BAHCC1: variants seen among roughly 807,000 people sequenced by gnomAD.
BAHCC1 encodes BAH and coiled-coil domain-containing protein 1.
Under a neutral mutation model 88.2 loss-of-function variants are expected in BAHCC1, and 43 were observed. That is an observed-to-expected ratio of 0.49 (90% CI 0.38 to 0.63). The LOEUF (loss-of-function observed/expected upper bound fraction) is 0.63. Ranked by LOEUF, BAHCC1 falls within the 20% of genes least tolerant of loss-of-function variation. The pLI is 0.00. For missense variants in BAHCC1, 3,023 were observed against 1,654.8 expected, an observed-to-expected ratio of 1.83 and a Z score of -14.34; for synonymous variants, 1,510 against 745.5, an observed-to-expected ratio of 2.03 and a Z score of -16.71.
rs782465082 is a variant in BAHCC1, at chr17:81,451,821, G to A, written c.4130G>A (p.Arg1377His). 10 of 756,886 alleles carry A rather than the reference G, an allele frequency of 1.3e-5. No homozygotes were observed. The highest frequency in any genetic ancestry group is 2.2e-5 in the Non-Finnish European group (9 of 413,922). 46.9% of individuals were successfully genotyped at this position (756,886 alleles called of 1,614,324 possible). A position where few individuals can be genotyped will look rare whatever the true frequency, so the allele number is the denominator to read the frequency against. ...TGCAGCGGCCCCAGGCTCACCCCCC[G>A]CATGCAGATCCTGCAGCGCAAGGAC... is the stretch of plus-strand genomic sequence containing the variant. Reference protein sequence around the residue: ...NPCSGPRLTPRMQILQRKDTW... With the variant: ...NPCSGPRLTPHMQILQRKDTW... The change falls in exon 12 of 28, where the codon CGC (arginine) becomes CAC (histidine). Residue 1377 changes from arginine (R) to histidine (H), a missense_variant. Transcript: ENST00000675386.
rs1555655765 is a variant in BAHCC1, at chr17:81,451,663, C to T, written c.3977-5C>T. On this transcript the variant is annotated splice_polypyrimidine_tract_variant and splice_region_variant and intron_variant, in intron 11 of 27. Transcript: ENST00000675386. ...TGCCCATGCTGACCTTCCCATGCCG[C>T]ACAGAGGAGGAAGAGGACGTGCTAG... The T allele has an allele frequency of 2.6e-6, 2 of 774,406 alleles. No homozygotes were observed. Among genetic ancestry groups the T allele is most frequent in the African/African-American group, 3.4e-5 (2 of 59,152 alleles). 48.0% of individuals were successfully genotyped at this position (774,406 alleles called of 1,614,324 possible).
rs2029927979 is a variant in BAHCC1, at chr17:81,458,439, G to C, written c.5316G>C (p.Lys1772Asn). The change falls in exon 18 of 28, where the codon AAG (lysine) becomes AAC (asparagine). Residue 1772 changes from lysine to asparagine, a missense_variant. Transcript: ENST00000675386. The stretch of plus-strand genomic sequence containing the variant: ...AGCGCCTCAAGAGGGCCACGCGCAA[G>C]GGCACAGTGCTGCAGCCAGTGCTGC... The part of the protein sequence containing the change: ...ASERLKRATR[K>N]GTVLQPVLRR... 3 of 735,842 alleles carry C rather than the reference G, an allele frequency of 4.1e-6. No individual in the cohort carries two copies. In the African/African-American group the frequency reaches 5.1e-5, roughly 13 times the overall value. 45.6% of individuals were successfully genotyped at this position (735,842 alleles called of 1,614,324 possible). A position where few individuals can be genotyped will look rare whatever the true frequency, so the allele number is the denominator to read the frequency against.
chr17:81,419,384 C>A (rs1431644451), intron 2 of BAHCC1, among the ~76,000 whole-genome samples: 2 of 152,278 alleles, frequency 1.3e-5, no homozygotes, highest in Non-Finnish European at 2.9e-5. Flanking sequence ...CCTCCCCGCG[C>A]TTTCCCGGAA....
chr17:81,459,598 G>A lies in BAHCC1; in HGVS notation c.5899G>A (p.Val1967Ile). 1.3e-6 allele frequency: 1 copy of A among 779,674 alleles called. No individual in the cohort carries two copies. The highest frequency in any genetic ancestry group is 1.3e-5 in the South Asian group (1 of 74,624). 48.3% of individuals were successfully genotyped at this position (779,674 alleles called of 1,614,324 possible). A position where few individuals can be genotyped will look rare whatever the true frequency, so the allele number is the denominator to read the frequency against. Residue 1967 changes from valine to isoleucine, a missense_variant, in exon 23 of 28, where the codon GTC becomes ATC. By Grantham distance (29) the Val-to-Ile change is conservative. Coordinates refer to ENST00000675386, the MANE Select transcript of BAHCC1 (RefSeq NM_001377448.1). ...TCGATGTCTGTACCCGGGCAACGTG[G>A]TCCGGGGTAAGTTGCACCCAAAGCG... ...KSRCLYPGNVVRGASGDEDED... is the reference protein window; with the variant it reads ...KSRCLYPGNVIRGASGDEDED...
At position 81,438,365 on chromosome 17, in the gene BAHCC1, T is replaced by C. The variant is rs781928879; in HGVS notation, c.359-5T>C. 1.3e-6 allele frequency: 1 copy of C among 778,608 alleles called. No homozygotes were observed. Among genetic ancestry groups the C allele is most frequent in the East Asian group, 2.4e-5 (1 of 41,238 alleles). The allele number at this position is 778,608 out of a possible 1,614,324, so 48.2% of individuals were successfully genotyped here. A position where few individuals can be genotyped will look rare whatever the true frequency, so the allele number is the denominator to read the frequency against. On this transcript the variant is annotated splice_polypyrimidine_tract_variant and splice_region_variant and intron_variant, in intron 3 of 27. Transcript: ENST00000675386. Reference sequence around the variant, plus strand: ...CCTCTGCAACTGGGTCTCTTGCTTCTCTAGCTCCGGGGTACCCCAGATTTT... The same window carrying C: ...CCTCTGCAACTGGGTCTCTTGCTTCCCTAGCTCCGGGGTACCCCAGATTTT...
intron 26 of BAHCC1, 77 bp downstream of exon 26, chr17:81,462,123 T>G: frequency 1.6e-6 from 1 of 643,334 alleles, no homozygotes; most frequent in Non-Finnish European, 2.8e-6. Context: ...CTGCTGCCCT[T>G]CCCTCTCCTT....
At chr17:81,398,814 C>T (rs2063772805) in intron 1 of BAHCC1, among the ~76,000 whole-genome samples, 1 of 150,428 alleles carries the variant, frequency 6.6e-6, no homozygotes, top group African/African-American at 2.5e-5. Context: ...GGTCCTAGCG[C>T]GATGCTGGGG....
intron 19 of BAHCC1, 40 bp from the exon 20 acceptor site, chr17:81,458,773 C>T (rs372347108): frequency 2.0e-4 from 154 of 753,272 alleles, no homozygotes; most frequent in Admixed American, 1.9e-3. Flanking sequence ...ACCTGCACCC[C>T]GCCTGCACCC....
chr17:81,399,246 C>A lies in BAHCC1; in HGVS notation c.-206-288C>A, dbSNP rs1555645475. 4.9e-6 allele frequency: 2 copies of A among 406,606 alleles called. No individual in the cohort carries two copies. The highest frequency in any genetic ancestry group is 9.9e-6 in the Non-Finnish European group (2 of 202,356). The allele number at this position is 406,606 out of a possible 1,614,324, so 25.2% of individuals were successfully genotyped here. A position where few individuals can be genotyped will look rare whatever the true frequency, so the allele number is the denominator to read the frequency against. On this transcript the variant is annotated intron_variant, in intron 1 of 27. Transcript: ENST00000675386. This position sits in a 1 kb window ranked among gnomAD's most constrained non-coding sequence, Gnocchi z 4.5. Reference sequence around the variant, plus strand: ...GCGGCGCCCTAGCTGCAGGGACCCGCGGGGACGAGAACGGGAGGCGGCGAG... The same window carrying A: ...GCGGCGCCCTAGCTGCAGGGACCCGAGGGGACGAGAACGGGAGGCGGCGAG...
intron 2 of BAHCC1, among the ~76,000 whole-genome samples, chr17:81,417,151 G>C (rs782361307): frequency 5.3e-5 from 8 of 152,154 alleles, no homozygotes; most frequent in Non-Finnish European, 7.4e-5. Flanking sequence ...GCTGGGGTGT[G>C]CGTGCGTGTG....
At chr17:81,433,758 G>C (rs868976578) in intron 3 of BAHCC1, among the ~76,000 whole-genome samples, 4 of 152,106 alleles carry the variant, frequency 2.6e-5, no homozygotes, top group African/African-American at 9.7e-5. Flanking sequence ...CGAGGTCCCC[G>C]TGTGCTCAGG....
chr17:81,421,960 G>T (rs538108005), intron 2 of BAHCC1: 1 of 426,000 alleles, frequency 2.3e-6, no homozygotes, highest in Non-Finnish European at 4.7e-6. Context: ...GTCCCAGAAC[G>T]CTCATGCGAG....
In BAHCC1 at chr17:81,399,570, C is replaced by T. The variant is rs1268802948; in HGVS notation, c.-170C>T. 2 of 406,444 alleles carry T rather than the reference C, an allele frequency of 4.9e-6. No individual in the cohort carries two copies. Among genetic ancestry groups the T allele is most frequent in the African/African-American group, 2.2e-5 (1 of 45,470 alleles). The allele number at this position is 406,444 out of a possible 1,614,324, so 25.2% of individuals were successfully genotyped here. The stretch of plus-strand genomic sequence containing the variant: ...GCACAGCGGCCGCTGGCTCGGTGCG[C>T]GGCCGCCCGCCGAGAAGCCCAGTCC... On this transcript the variant is annotated 5_prime_UTR_variant, in exon 2 of 28. Coordinates refer to ENST00000675386, the MANE Select transcript of BAHCC1 (RefSeq NM_001377448.1). The surrounding 1 kb of genome is among the most constrained non-coding windows in gnomAD (Gnocchi z 4.5).
At chr17:81,413,439 C>A (rs2063981152) in intron 2 of BAHCC1, among the ~76,000 whole-genome samples, 1 of 152,208 alleles carries the variant, frequency 6.6e-6, no homozygotes, top group Admixed American at 6.5e-5. Flanking sequence ...TCTTCCTCCC[C>A]CTTCTGTCTT....
In BAHCC1 at chr17:81,460,968, C is replaced by G. The variant is rs782113673; in HGVS notation, c.6305C>G (p.Ala2102Gly). 1 of 772,680 alleles carries G rather than the reference C, an allele frequency of 1.3e-6. No individual in the cohort carries two copies. Among genetic ancestry groups the G allele is most frequent in the African/African-American group, 1.7e-5 (1 of 59,252 alleles). The allele number at this position is 772,680 out of a possible 1,614,324, so 47.9% of individuals were successfully genotyped here. The stretch of plus-strand genomic sequence containing the variant: ...CCCTTGCTGAGCTGGTCCGCGGTGG[C>G]GCAGACCAAGCGGAAGGCGGTGGCA... Reference protein sequence around the residue: ...GSPLLSWSAVAQTKRKAVAAA... With the variant: ...GSPLLSWSAVGQTKRKAVAAA... Residue 2102 changes from alanine (A) to glycine (G), a missense_variant, in exon 26 of 28, where the codon GCG (alanine) becomes GGG (glycine). By Grantham distance (60) the Ala-to-Gly change is moderately conservative (BLOSUM62 0). Transcript: ENST00000675386.
intron 4 of BAHCC1, among the ~76,000 whole-genome samples, chr17:81,440,752 C>T (rs1555652368): frequency 7.9e-5 from 12 of 152,192 alleles, no homozygotes; most frequent in Admixed American, 5.2e-4. Context: ...GGACCCCAGA[C>T]ACTCACCCCC....
intron 5 of BAHCC1, 51 bp downstream of exon 5, chr17:81,443,615 C>T (rs1291833064): frequency 1.6e-6 from 1 of 620,598 alleles, no homozygotes; most frequent in Admixed American, 2.6e-5. Flanking sequence ...CTAGGGGGCC[C>T]AGCTGGCCCT....
chr17:81,456,647 A>C (rs1259939488), intron 16 of BAHCC1, 62 bp downstream of exon 16: 5 of 657,938 alleles, frequency 7.6e-6, no homozygotes, highest in Non-Finnish European at 1.1e-5. Flanking sequence ...CGGGGGCTGG[A>C]GGAGGGGGCG....
chr17:81,461,803 C>T lies in BAHCC1; in HGVS notation c.7140C>T (p.Gly2380=), dbSNP rs782044623. 25 of 716,140 alleles carry T rather than the reference C, an allele frequency of 3.5e-5. No homozygotes were observed. The East Asian group carries it at 3.8e-4, about 11-fold the overall frequency. 44.4% of individuals were successfully genotyped at this position (716,140 alleles called of 1,614,324 possible). A position where few individuals can be genotyped will look rare whatever the true frequency, so the allele number is the denominator to read the frequency against. ...AGCCCGAGGCCCTGCGCTCCAAGGG[C>T]AGCGGCCCTCACGCGCATGCCCAGC... ...LAQPEALRSK[G]SGPHAHAQRC... The change falls in exon 26 of 28, where the codon GGC becomes GGT. Residue 2380 remains glycine (G), a synonymous_variant. Coordinates refer to ENST00000675386, the MANE Select transcript of BAHCC1 (RefSeq NM_001377448.1).
Sources: allele counts gnomAD v4.1 joint callset (sites outside exome capture counted in the v4.1 genomes callset), GRCh38; gene constraint gnomAD v4.1.1; non-coding constraint Gnocchi (gnomAD v3.1); transcripts MANE v1.5; gene names NCBI Gene and HGNC (gene_info 2026-07-23, HGNC 2026-07-21).